ERAP2: variants seen among roughly 807,000 people sequenced by gnomAD.
ERAP2 encodes the protein leukocyte-derived arginine aminopeptidase.
A neutral mutation model predicts 111.1 loss-of-function variants in ERAP2; 118 were observed. The observed-to-expected ratio is 1.06, with a 90% CI of 0.92 to 1.24. ERAP2 has a LOEUF of 1.24. Among genes scored for constraint, ERAP2 ranks in the 50% most tolerant of loss-of-function variants. The probability of loss-of-function intolerance (pLI) is 0.00; values close to 1 mark genes in which losing one functional copy is unlikely to be tolerated. For missense variants in ERAP2, 1,131 were observed against 1,125.8 expected, an observed-to-expected ratio of 1.00 and a Z score of -0.07; for synonymous variants, 410 against 401.2, an observed-to-expected ratio of 1.02 and a Z score of -0.26.
In ERAP2 at chr5:96,917,726, G is replaced by T. The variant is rs1787579006; in HGVS notation, c.*121G>T. 1.5e-6 allele frequency: 1 copy of T among 685,880 alleles called. No individual in the cohort carries two copies. The highest frequency in any genetic ancestry group is 3.6e-5 in the Admixed American group (1 of 27,610). The allele number at this position is 685,880 out of a possible 1,614,324, so 42.5% of individuals were successfully genotyped here. A position where few individuals can be genotyped will look rare whatever the true frequency, so the allele number is the denominator to read the frequency against. On this transcript the variant is annotated 3_prime_UTR_variant, in exon 19 of 19. Transcript: ENST00000437043. The stretch of plus-strand genomic sequence containing the variant: ...TGGAGACCATCCTGGCTAACACGGT[G>T]AGACCCCGTCTCCGCTAAAAATACA...
chr5:96,895,199 A>T (rs757979580), intron 6 of ERAP2, 47 bp from the exon 7 acceptor site: 30 of 1,194,156 alleles, frequency 2.5e-5, no homozygotes, highest in Middle Eastern at 2.0e-4. Flanking sequence ...AAAGTTAATA[A>T]TTTTTATTTG....
At chr5:96,912,215 G>GA (rs1786876405) in intron 15 of ERAP2, among the ~76,000 whole-genome samples, 1 of 138,542 alleles carries the variant, frequency 7.2e-6, no homozygotes, top group Admixed American at 7.2e-5. Context: ...GAAAAGAAAA[G>GA]AAAAAAATGC....
At chr5:96,905,543 C>T (rs1785968805) in intron 13 of ERAP2, among the ~76,000 whole-genome samples, 1 of 152,108 alleles carries the variant, frequency 6.6e-6, no homozygotes, top group Non-Finnish European at 1.5e-5. Flanking sequence ...TGTTCTTTCT[C>T]AATACTATAA....
At position 96,911,026 on chromosome 5, in the gene ERAP2, T is replaced by C. The variant is rs192607052; in HGVS notation, c.2354+1262T>C. On this transcript the variant is annotated intron_variant, in intron 15 of 18. Transcript: ENST00000437043. ...ATGTATTATAATTATTTGATCTTTA[T>C]TATATTATTCAAATGTCACTTGGGG... is the stretch of plus-strand genomic sequence containing the variant. 5.3e-5 allele frequency among the ~76,000 whole-genome samples: 8 copies of C among 152,358 alleles called. No homozygotes were observed. In the East Asian group the frequency reaches 1.5e-3, roughly 29 times the overall value.
chr5:96,883,221 C>T (rs553388113), intron 2 of ERAP2, among the ~76,000 whole-genome samples: 1 of 152,278 alleles, frequency 6.6e-6, no homozygotes, highest in South Asian at 2.1e-4. Flanking sequence ...CAGGCTGATG[C>T]TGGGACTTTG....
chr5:96,878,073 C>A (rs1462144805), intron 1 of ERAP2, among the ~76,000 whole-genome samples: 1 of 152,084 alleles, frequency 6.6e-6, no homozygotes, highest in African/African-American at 2.4e-5. Flanking sequence ...AGAATTGATT[C>A]CCCCAAATTA....
chr5:96,903,117 T>G (rs1323583904), intron 12 of ERAP2, among the ~76,000 whole-genome samples: 1 of 152,164 alleles, frequency 6.6e-6, no homozygotes, highest in Non-Finnish European at 1.5e-5. Context: ...TCCTTGCATG[T>G]CTCTTAGACC....
chr5:96,899,206 G>A (rs1177927222), intron 9 of ERAP2, among the ~76,000 whole-genome samples: 2 of 146,092 alleles, frequency 1.4e-5, no homozygotes. Context: ...CCAAGTCAGT[G>A]AGAAAATCAG....
intron 4 of ERAP2, among the ~76,000 whole-genome samples, chr5:96,888,866 T>C (rs78424379): frequency 0.018 from 2,778 of 152,268 alleles, 103 homozygotes; most frequent in African/African-American, 0.063. Flanking sequence ...TTAAAGTATA[T>C]CATAGAGACG....
intron 10 of ERAP2, among the ~76,000 whole-genome samples, chr5:96,901,146 G>T (rs1240588809): frequency 6.6e-6 from 1 of 151,770 alleles, no homozygotes; most frequent in East Asian, 1.9e-4. Flanking sequence ...CACCCCTCCT[G>T]GATTCTACTG....
intron 2 of ERAP2, among the ~76,000 whole-genome samples, chr5:96,881,730 C>G (rs1783154795): frequency 6.6e-6 from 1 of 152,110 alleles, no homozygotes; most frequent in Non-Finnish European, 1.5e-5. Flanking sequence ...ATTGCTGCAC[C>G]TCTAGGCATC....
chr5:96,901,843 C>T (rs1421656576), intron 11 of ERAP2, among the ~76,000 whole-genome samples, 162 bp downstream of exon 11: 1 of 152,202 alleles, frequency 6.6e-6, no homozygotes, highest in East Asian at 1.9e-4. Flanking sequence ...CTTCATATAA[C>T]CCGGACTTCT....
chr5:96,906,626 T>G (rs1466163423), intron 13 of ERAP2, among the ~76,000 whole-genome samples: 1 of 152,216 alleles, frequency 6.6e-6, no homozygotes, highest in Non-Finnish European at 1.5e-5. Flanking sequence ...TCATACATTT[T>G]AAATGTAATT....
chr5:96,903,082 C>A (rs539120828), intron 12 of ERAP2, among the ~76,000 whole-genome samples: 1 of 152,282 alleles, frequency 6.6e-6, no homozygotes, highest in East Asian at 1.9e-4. Context: ...TCCCGTCATG[C>A]TAGTCATCTG....
chr5:96,883,936 T>C lies in ERAP2; in HGVS notation c.714+6T>C, dbSNP rs200920921. ...CACTATCCAACATGCCAAAGGTATG[T>C]CCACTTCCAGAAACTTTTAGAAATT... On this transcript the variant is annotated splice_donor_region_variant and intron_variant, in intron 3 of 18. Coordinates refer to ENST00000437043, the MANE Select transcript of ERAP2 (RefSeq NM_022350.5). 14 of 1,565,934 alleles carry C rather than the reference T, an allele frequency of 8.9e-6. No individual in the cohort carries two copies. The highest frequency in any genetic ancestry group is 9.5e-6 in the Non-Finnish European group (11 of 1,159,458).
chr5:96,891,398 C>A (rs1784343890), intron 5 of ERAP2, among the ~76,000 whole-genome samples: 1 of 148,182 alleles, frequency 6.7e-6, no homozygotes, highest in South Asian at 2.1e-4. Flanking sequence ...TGTATACATA[C>A]ACACACACAT....
chr5:96,915,769 G>A lies in ERAP2; in HGVS notation c.2739G>A (p.Glu913=). The A allele has an allele frequency of 6.3e-6, 10 of 1,595,152 alleles. No individual in the cohort carries two copies. Among genetic ancestry groups the A allele is most frequent in the Non-Finnish European group, 8.5e-6 (10 of 1,170,198 alleles). The change falls in exon 18 of 19, where the codon GAG becomes GAA. Residue 913 remains glutamate, a splice_region_variant and synonymous_variant. Coordinates refer to ENST00000437043, the MANE Select transcript of ERAP2 (RefSeq NM_022350.5). ...AHFSSKDKLQ[E]VKLFFESLEA... is the part of the protein sequence containing the mutation. The stretch of plus-strand genomic sequence containing the variant: ...TTTCTTCCAAGGATAAGTTGCAAGA[G>A]GTTTGTGACTTTCTGTTTTTAACAA...
At chr5:96,912,980 C>CTGTTTCATAACTAAT (rs2112392598) in intron 16 of ERAP2, among the ~76,000 whole-genome samples, 182 bp downstream of exon 16, 1 of 152,224 alleles carries the variant, frequency 6.6e-6, no homozygotes, top group East Asian at 1.9e-4. Flanking sequence ...CAGGTATTCC[C>CTGTTTCATAACTAAT]TAGTTATTAA....
downstream of ERAP2, chr5:96,919,714 T>C (rs1364621580): frequency 6.6e-6 from 1 of 152,312 alleles, no homozygotes; most frequent in Non-Finnish European, 1.5e-5. Context: ...TGTATTGTAC[T>C]TATTAGTGTA....
Sources: gnomAD v4.1 joint callset for allele counts (sites outside exome capture counted in the v4.1 genomes callset) on GRCh38, gnomAD v4.1.1 for gene constraint, MANE v1.5 for transcripts, NCBI Gene and HGNC (gene_info 2026-07-23, HGNC 2026-07-21) for gene names.